The following MOK variants were observed in gnomAD, a reference collection of about 807,000 sequenced individuals.
MOK encodes the protein MAPK/MAK/MRK overlapping kinase.
A neutral mutation model predicts 54.2 loss-of-function variants in MOK; 59 were observed. That is an observed-to-expected ratio of 1.09 (90% CI 0.88 to 1.35). The LOEUF is 1.35. Among genes scored for constraint, MOK ranks in the 40% most tolerant of loss-of-function variants. The pLI is 0.00. For synonymous variants in MOK, 210 were observed against 202.7 expected (o/e 1.04, Z -0.31); for missense variants, 517 against 526.2 (o/e 0.98, Z 0.17).
At position 102,229,622 on chromosome 14, in the gene MOK, CTTGGGACGGTCCTCCTCTT is replaced by C; in HGVS notation, c.998_1016del (p.Gln333ArgfsTer14). On this transcript the variant is annotated frameshift_variant, in exon 11 of 12. Transcript: ENST00000361847. LOFTEE classifies it high-confidence loss of function. ...CCATGACATAGGCCGGTCCTCGTCT[CTTGGGACGGTCCTCCTCTT>C]GCTTTAGGGACTGTTTCTTGAAACA... The C allele has an allele frequency of 6.2e-7, 1 of 1,613,894 alleles. No homozygotes were observed. The highest frequency in any genetic ancestry group is 1.1e-5 in the South Asian group (1 of 91,060).
rs894908449 is a variant in MOK, at chr14:102,245,282, G to A, written c.590+5530C>T. Among the ~76,000 whole-genome samples, 3 of 151,704 alleles carry A rather than the reference G, an allele frequency of 2.0e-5. No homozygotes were observed. The highest frequency in any genetic ancestry group is 2.1e-4 in the South Asian group (1 of 4,794). On this transcript the variant is annotated intron_variant, in intron 7 of 11. Transcript: ENST00000361847. This position sits in a 1 kb window ranked among gnomAD's most constrained non-coding sequence, Gnocchi z 4.3. ...TCCCACGCCACCCCTAATCCCACTC[G>A]AAGCAGCCCTGAGAAACATCGCCCA...
chr14:102,218,052 G>A, the MOK span, among the ~76,000 whole-genome samples: 1 of 152,214 alleles, frequency 6.6e-6, no homozygotes, highest in African/African-American at 2.4e-5. Context: ...CCAAGCTCCC[G>A]GATGTTGTGG....
Position 102,254,765 on chromosome 14 carries a change from G to T in MOK, c.284-2770C>A, listed in dbSNP as rs182300645. On this transcript the variant is annotated intron_variant, in intron 4 of 11. Transcript: ENST00000361847. ...GCTACTAGTCTTGGGTCCTCGCTTC[G>T]AGAACCATGCCCCACCACCCCCTTC... is the stretch of plus-strand genomic sequence containing the variant. Among the ~76,000 whole-genome samples the T allele has an allele frequency of 3.8e-4, 58 of 152,142 alleles. 2 individuals are homozygous for T. The highest frequency in any genetic ancestry group is 1.0e-4 in the Non-Finnish European group (7 of 68,020).
chr14:102,291,230 A>G (rs985526177), intron 1 of MOK, among the ~76,000 whole-genome samples: 5 of 152,226 alleles, frequency 3.3e-5, no homozygotes, highest in Admixed American at 6.6e-5. Context: ...GAGCCTCTCT[A>G]CAACTGGAAA....
chr14:102,288,471 T>C (rs1254415780), intron 1 of MOK, among the ~76,000 whole-genome samples: 2 of 152,226 alleles, frequency 1.3e-5, no homozygotes, highest in Non-Finnish European at 2.9e-5. Flanking sequence ...TTATATGAAA[T>C]GTCCAGAATA....
At chr14:102,281,376 GT>G (rs1204748096) in intron 2 of MOK, among the ~76,000 whole-genome samples, 1 of 151,048 alleles carries the variant, frequency 6.6e-6, no homozygotes, top group African/African-American at 2.4e-5. Context: ...GCTTGCACCT[GT>G]AGTCCCTGTT....
In MOK at chr14:102,305,067, G is replaced by A. The variant is rs1381848626; in HGVS notation, c.-99C>T. On this transcript the variant is annotated 5_prime_UTR_variant, in exon 1 of 12. Transcript: ENST00000361847. ...CTGCTTTCCACTTCCCTGAGGCGGG[G>A]TCCCGCACTAGGATCTCCGTGGTGG... 3 of 1,407,754 alleles carry A rather than the reference G, an allele frequency of 2.1e-6. No individual in the cohort carries two copies. The African/African-American group carries it at 4.2e-5, about 20-fold the overall frequency. 87.2% of individuals were successfully genotyped at this position (1,407,754 alleles called of 1,614,324 possible).
downstream of MOK, among the ~76,000 whole-genome samples, chr14:102,220,763 G>GT (rs1390735805): frequency 6.6e-6 from 1 of 151,344 alleles, no homozygotes; most frequent in Non-Finnish European, 1.5e-5. This position sits in a 1 kb window ranked among gnomAD's most constrained non-coding sequence, Gnocchi z 4.2. Context: ...AATGTCACTT[G>GT]TTTTTATTAT....
At chr14:102,294,377 C>T (rs1447884837) in intron 1 of MOK, among the ~76,000 whole-genome samples, 1 of 148,468 alleles carries the variant, frequency 6.7e-6, no homozygotes, top group African/African-American at 2.5e-5. Flanking sequence ...ACCCGGGAGG[C>T]GGAGCTGGCA....
chr14:102,270,499 G>A (rs2068265297), intron 2 of MOK, among the ~76,000 whole-genome samples: 1 of 152,098 alleles, frequency 6.6e-6, no homozygotes. Context: ...TCCTCAGGAG[G>A]CTAAGGCAGG....
chr14:102,215,133 G>A, the MOK span: 13 of 353,192 alleles, frequency 3.7e-5, no homozygotes, highest in South Asian at 9.2e-4. Context: ...GCCAGCCACC[G>A]GAATTGCTCC....
downstream of MOK, chr14:102,226,222 C>T (rs1302286819): frequency 1.6e-6 from 1 of 638,294 alleles, no homozygotes; most frequent in Non-Finnish European, 2.8e-6. This position sits in a 1 kb window ranked among gnomAD's most constrained non-coding sequence, Gnocchi z 4.8. Flanking sequence ...CTGGGCTCCC[C>T]TGTGCTTCTG....
chr14:102,218,408 A>T, the MOK span, among the ~76,000 whole-genome samples: 1 of 152,208 alleles, frequency 6.6e-6, no homozygotes, highest in African/African-American at 2.4e-5. Flanking sequence ...TCCAGGCCTG[A>T]CAGAGCTTCA....
intron 4 of MOK, among the ~76,000 whole-genome samples, chr14:102,256,724 TAAAA>T (rs11298006): frequency 1.5e-5 from 2 of 135,868 alleles, no homozygotes. Flanking sequence ...TTGAAACAGT[TAAAA>T]AAAAAAAAAA....
rs549586955 is a variant in MOK at position 102,254,981 on chromosome 14, G to C, written c.284-2986C>G. Among the ~76,000 whole-genome samples, 44 of 152,252 alleles carry C rather than the reference G, an allele frequency of 2.9e-4. 1 individual carries two copies. The highest frequency in any genetic ancestry group is 6.8e-3 in the Middle Eastern group (2 of 294). ...TCATCTGAACTTGAACTTGGGAAACGTGGAATCTTTTAGGAAAAGTCTAAT... is the reference window on the plus strand; with the variant it reads ...TCATCTGAACTTGAACTTGGGAAACCTGGAATCTTTTAGGAAAAGTCTAAT... On this transcript the variant is annotated intron_variant, in intron 4 of 11. Transcript: ENST00000361847.
chr14:102,300,764 G>C (rs1448810586), intron 1 of MOK, among the ~76,000 whole-genome samples: 1 of 152,072 alleles, frequency 6.6e-6, no homozygotes, highest in African/African-American at 2.4e-5. Context: ...CTTAATCTTT[G>C]AAACAATGCT....
At chr14:102,274,264 T>C (rs2068650780) in intron 2 of MOK, among the ~76,000 whole-genome samples, 1 of 150,736 alleles carries the variant, frequency 6.6e-6, no homozygotes, top group Non-Finnish European at 1.5e-5. Flanking sequence ...CATTTTTTTT[T>C]TTTTTTTTGA....
intron 7 of MOK, among the ~76,000 whole-genome samples, chr14:102,248,868 A>G (rs2066308257): frequency 1.3e-5 from 2 of 151,370 alleles, no homozygotes; most frequent in Admixed American, 6.6e-5. Context: ...CCCTCATTCT[A>G]TAAGCTTGGG....
chr14:102,227,346 C>G (rs775984582), downstream of MOK, among the ~76,000 whole-genome samples: 29 of 150,036 alleles, frequency 1.9e-4, no homozygotes, highest in Non-Finnish European at 3.9e-4. Flanking sequence ...CTACAGCCAT[C>G]TCCCCAGCCT....
Sources: allele counts gnomAD v4.1 joint callset (sites outside exome capture counted in the v4.1 genomes callset), GRCh38; gene constraint gnomAD v4.1.1; non-coding constraint Gnocchi (gnomAD v3.1); transcripts MANE v1.5; gene names NCBI Gene and HGNC (gene_info 2026-07-23, HGNC 2026-07-21).